TRMT44: variants seen among roughly 807,000 people sequenced by gnomAD.
TRMT44 encodes the protein probable tRNA (uracil-O(2)-)-methyltransferase.
A neutral mutation model predicts 77.3 loss-of-function variants in TRMT44; 78 were observed. That is an observed-to-expected ratio of 1.01 (90% CI 0.84 to 1.22). The LOEUF is 1.22. Ranked by LOEUF, TRMT44 falls within the 50% of genes most tolerant of loss-of-function variation. The pLI is 0.00. For synonymous variants in TRMT44, 391 were observed against 383.3 expected (o/e 1.02, Z -0.23); for missense variants, 1,090 against 964.4 (o/e 1.13, Z -1.73).
In TRMT44 at chr4:8,452,123, C is replaced by T; in HGVS notation, c.1023+95C>T. On this transcript the variant is annotated intron_variant, in intron 4 of 10. Transcript: ENST00000389737. The surrounding 1 kb of genome is among the most constrained non-coding windows in gnomAD (Gnocchi z 5.7). ...TGAAGGACATTTTCCAAATCCATAACTGCCGGTGCTCACAATTCTGCTGGC... is the reference window on the plus strand; with the variant it reads ...TGAAGGACATTTTCCAAATCCATAATTGCCGGTGCTCACAATTCTGCTGGC... The T allele has an allele frequency of 8.9e-7, 1 of 1,125,860 alleles. No homozygotes were observed. The highest frequency in any genetic ancestry group is 1.3e-6 in the Non-Finnish European group (1 of 776,710). 69.7% of individuals were successfully genotyped at this position (1,125,860 alleles called of 1,614,324 possible). A position where few individuals can be genotyped will look rare whatever the true frequency, so the allele number is the denominator to read the frequency against.
rs1010064798 is a variant in TRMT44, at chr4:8,444,322, C to T, written c.620-2154C>T. On this transcript the variant is annotated intron_variant, in intron 1 of 10. Coordinates refer to ENST00000389737, the MANE Select transcript of TRMT44 (RefSeq NM_152544.3). The surrounding 1 kb of genome is among the most constrained non-coding windows in gnomAD (Gnocchi z 4.0). ...GGAGAGGTGGGATGGTTAAAGTGTA[C>T]AAAAAAAATAGAATATGAATAACAC... 6.8e-6 allele frequency among the ~76,000 whole-genome samples: 1 copy of T among 146,284 alleles called. No homozygotes were observed. Among genetic ancestry groups the T allele is most frequent in the Non-Finnish European group, 1.5e-5 (1 of 66,448 alleles).
Position 8,446,551 on chromosome 4 carries a change from A to G in TRMT44, c.695A>G (p.Asn232Ser). ...GGGAACCTAAAGGTTAAGATGAGCA[A>G]TGTGTATCAAATTCAGCTCAGTCAT... Reference protein sequence around the residue: ...DEGNLKVKMSNVYQIQLSHSK... With the variant: ...DEGNLKVKMSSVYQIQLSHSK... The change falls in exon 2 of 11, where the codon AAT becomes AGT. Residue 232 changes from asparagine to serine, a missense_variant. Transcript: ENST00000389737. This position sits in a 1 kb window ranked among gnomAD's most constrained non-coding sequence, Gnocchi z 4.3. 1 of 1,536,302 alleles carries G rather than the reference A, an allele frequency of 6.5e-7. No individual in the cohort carries two copies. The highest frequency in any genetic ancestry group is 1.7e-4 in the Middle Eastern group (1 of 5,994).
rs1340459299 is a variant in TRMT44, at chr4:8,461,378, C to G, written c.1204-2607C>G. ...TAAACTTGGCTATGAAGTTAATGAT[C>G]AAAGCTAAAGCAGTAGTGGTGTGGT... On this transcript the variant is annotated intron_variant, in intron 6 of 10. Transcript: ENST00000389737. The surrounding 1 kb of genome is among the most constrained non-coding windows in gnomAD (Gnocchi z 4.6). Among the ~76,000 whole-genome samples, 1 of 152,130 alleles carries G rather than the reference C, an allele frequency of 6.6e-6. No homozygotes were observed. Among genetic ancestry groups the G allele is most frequent in the Admixed American group, 6.6e-5 (1 of 15,266 alleles).
chr4:8,444,273 T>C lies in TRMT44; in HGVS notation c.620-2203T>C, dbSNP rs1579031371. 1.3e-5 allele frequency among the ~76,000 whole-genome samples: 2 copies of C among 149,376 alleles called. No homozygotes were observed. The highest frequency in any genetic ancestry group is 3.0e-5 in the Non-Finnish European group (2 of 67,468). Reference sequence around the variant, plus strand: ...GAGTGGAAGGATGGTTACCAGAGGGTGGGAAGGGGAGTGGAGGGTTGGGGG... The same window carrying C: ...GAGTGGAAGGATGGTTACCAGAGGGCGGGAAGGGGAGTGGAGGGTTGGGGG... On this transcript the variant is annotated intron_variant, in intron 1 of 10. Coordinates refer to ENST00000389737, the MANE Select transcript of TRMT44 (RefSeq NM_152544.3). This position sits in a 1 kb window ranked among gnomAD's most constrained non-coding sequence, Gnocchi z 4.0.
chr4:8,441,475 A>C, intron 1 of TRMT44, 34 bp downstream of exon 1: 1 of 1,447,046 alleles, frequency 6.9e-7, no homozygotes, highest in Non-Finnish European at 9.1e-7. Flanking sequence ...GGATATGATT[A>C]GATAAAAAAG....
intron 2 of TRMT44, among the ~76,000 whole-genome samples, chr4:8,484,130 C>T (rs914725308): frequency 6.6e-6 from 1 of 152,092 alleles, no homozygotes; most frequent in Non-Finnish European, 1.5e-5. Flanking sequence ...TGGTGTGTGG[C>T]GATTAGGCCT....
Position 8,468,164 on chromosome 4 carries a change from A to G in TRMT44, c.1745A>G (p.Glu582Gly), listed in dbSNP as rs541072801. 7.1e-5 allele frequency: 114 copies of G among 1,614,108 alleles called. No individual in the cohort carries two copies. The South Asian group carries it at 9.3e-4, about 13-fold the overall frequency. The stretch of plus-strand genomic sequence containing the variant: ...GAGCATGGAGCAGGGCCCCAGGCTG[A>G]AGGACCCTGGCTACCTGGATTTCAT... ...AAEHGAGPQA[E>G]GPWLPGFHPR... Residue 582 changes from glutamate to glycine, a missense_variant, in exon 9 of 11, where the codon GAA (glutamate) becomes GGA (glycine). Physicochemically the swap from Glu to Gly is moderately conservative, Grantham distance 98. Transcript: ENST00000389737.
chr4:8,475,714 TG>T, intron 10 of TRMT44, 57 bp from the exon 11 acceptor site: 1 of 1,514,722 alleles, frequency 6.6e-7, no homozygotes, highest in Non-Finnish European at 9.0e-7. Context: ...GAGAGGCTGG[TG>T]AATTAAGGAA....
chr4:8,462,203 G>T (rs1726201036), intron 6 of TRMT44, among the ~76,000 whole-genome samples: 1 of 152,092 alleles, frequency 6.6e-6, no homozygotes, highest in Non-Finnish European at 1.5e-5. Context: ...CTGAGGTCGG[G>T]AGTTCAAGAC....
At chr4:8,493,215 C>G (rs143523690) in intron 2 of TRMT44, 1 of 152,164 alleles carries the variant, frequency 6.6e-6, no homozygotes, top group African/African-American at 2.4e-5. Flanking sequence ...TCTGAACCTC[C>G]TTAAATTGCT....
rs1458653242 is a variant in TRMT44 at position 8,441,227 on chromosome 4, C to A, written c.405C>A (p.Gly135=). ...GHPGHAEGRE[G]DFPAADLDSL... is the part of the protein sequence containing the mutation. The stretch of plus-strand genomic sequence containing the variant: ...CCGGCCATGCTGAAGGAAGGGAGGG[C>A]GACTTCCCCGCCGCAGATCTGGATT... The change falls in exon 1 of 11, where the codon GGC becomes GGA. Residue 135 remains glycine (G), a synonymous_variant. Transcript: ENST00000389737. 6.5e-7 allele frequency: 1 copy of A among 1,535,478 alleles called. No homozygotes were observed. Among genetic ancestry groups the A allele is most frequent in the South Asian group, 1.2e-5 (1 of 83,886 alleles).
At chr4:8,484,877 G>A (rs894295722) in intron 2 of TRMT44, among the ~76,000 whole-genome samples, 13 of 152,260 alleles carry the variant, frequency 8.5e-5, no homozygotes, top group Admixed American at 2.0e-4. Flanking sequence ...GGACATGAGC[G>A]GCAGGGAGAG....
the TRMT44 span, among the ~76,000 whole-genome samples, chr4:8,498,656 G>A: frequency 6.6e-6 from 1 of 152,270 alleles, no homozygotes; most frequent in Non-Finnish European, 1.5e-5. The surrounding 1 kb of genome is among the most constrained non-coding windows in gnomAD (Gnocchi z 4.3). Flanking sequence ...CTGAAGGAGG[G>A]TCCCATGCTG....
In TRMT44 at chr4:8,451,830, T is replaced by G; in HGVS notation, c.955-130T>G. On this transcript the variant is annotated intron_variant, in intron 3 of 10. Coordinates refer to ENST00000389737, the MANE Select transcript of TRMT44 (RefSeq NM_152544.3). This position sits in a 1 kb window ranked among gnomAD's most constrained non-coding sequence, Gnocchi z 4.1. ...GAAACCAGTTGTGAATTCCTGCCTT[T>G]GAGCTTATGTTTCCTATTTTAGTGT... The G allele has an allele frequency of 1.2e-6, 1 of 801,142 alleles. No homozygotes were observed. The highest frequency in any genetic ancestry group is 2.0e-6 in the Non-Finnish European group (1 of 495,316). The allele number at this position is 801,142 out of a possible 1,614,324, so 49.6% of individuals were successfully genotyped here.
the TRMT44 span, chr4:8,508,855 CT>C: frequency 6.5e-6 from 1 of 153,654 alleles, no homozygotes; most frequent in Admixed American, 6.5e-5. Flanking sequence ...CTTCTGTGTC[CT>C]TGGCTGCCTT....
chr4:8,516,052 C>T, the TRMT44 span, among the ~76,000 whole-genome samples: 7 of 152,140 alleles, frequency 4.6e-5, no homozygotes, highest in Non-Finnish European at 8.8e-5. Flanking sequence ...CCCAGCTGTA[C>T]GCTGGGGGTC....
rs1225526873 is a variant in TRMT44, at chr4:8,452,750, A to C, written c.1024-132A>C. On this transcript the variant is annotated intron_variant, in intron 4 of 10. Coordinates refer to ENST00000389737, the MANE Select transcript of TRMT44 (RefSeq NM_152544.3). This position sits in a 1 kb window ranked among gnomAD's most constrained non-coding sequence, Gnocchi z 5.7. ...ACTCCATCTCAAAAAAAGAAAAAAA[A>C]AAAAGAATGTTTAGTGTAGATGATT... The C allele has an allele frequency of 1.9e-6, 1 of 534,196 alleles. No individual in the cohort carries two copies. Among genetic ancestry groups the C allele is most frequent in the Non-Finnish European group, 3.2e-6 (1 of 311,456 alleles). 33.1% of individuals were successfully genotyped at this position (534,196 alleles called of 1,614,324 possible).
At chr4:8,478,736 G>A (rs1420727510), downstream of TRMT44, 3 of 152,278 alleles carry the variant, frequency 2.0e-5, no homozygotes, top group Admixed American at 2.0e-4. Flanking sequence ...TGGGCATGAG[G>A]GGGAATCTCG....
At chr4:8,448,059 C>T (rs935812708) in intron 2 of TRMT44, among the ~76,000 whole-genome samples, 2 of 152,024 alleles carry the variant, frequency 1.3e-5, no homozygotes, top group Non-Finnish European at 2.9e-5. Context: ...ATCGGAGTGA[C>T]GTTCACTGCT....
Sources: gnomAD v4.1 joint callset for allele counts (sites outside exome capture counted in the v4.1 genomes callset) on GRCh38, gnomAD v4.1.1 for gene constraint, Gnocchi (gnomAD v3.1) non-coding constraint, MANE v1.5 for transcripts, NCBI Gene and HGNC (gene_info 2026-07-23, HGNC 2026-07-21) for gene names.